RNLS: variants seen among roughly 807,000 people sequenced by gnomAD.
RNLS encodes the protein renalase.
In RNLS, 39 loss-of-function variants were observed where a neutral mutation model predicts 39.8. The observed-to-expected ratio is 0.98, with a 90% CI of 0.76 to 1.28. The LOEUF (loss-of-function observed/expected upper bound fraction) is 1.28. Among genes scored for constraint, RNLS ranks in the 50% most tolerant of loss-of-function variants. The pLI, the probability that RNLS is intolerant of heterozygous loss-of-function variation, is 0.00. For missense variants in RNLS, 410 were observed against 413.3 expected, an observed-to-expected ratio of 0.99 and a Z score of 0.07; for synonymous variants, 147 against 150.7, an observed-to-expected ratio of 0.98 and a Z score of 0.18.
At chr10:88,199,485 C>T in the RNLS span, among the ~76,000 whole-genome samples, 1 of 152,168 alleles carries the variant, frequency 6.6e-6, no homozygotes, top group Non-Finnish European at 1.5e-5. Context: ...CCCGATATTG[C>T]CAAATGTCTC....
At position 88,284,668 on chromosome 10, in the gene RNLS, T is replaced by C. The variant is rs1395240878; in HGVS notation, c.*686A>G. 1.0e-6 allele frequency: 1 copy of C among 985,190 alleles called. No individual in the cohort carries two copies. The highest frequency in any genetic ancestry group is 1.1e-4 in the East Asian group (1 of 8,812). The allele number at this position is 985,190 out of a possible 1,614,324, so 61.0% of individuals were successfully genotyped here. On this transcript the variant is annotated 3_prime_UTR_variant, in exon 7 of 7. Transcript: ENST00000331772. ...ACTTTCTCTCTGTTTCTATTTAATT[T>C]TTATCTTTCATATTAGGACTGGAAT...
chr10:88,529,255 C>A (rs896824933), intron 4 of RNLS, among the ~76,000 whole-genome samples: 5 of 152,132 alleles, frequency 3.3e-5, no homozygotes, highest in Non-Finnish European at 7.4e-5. Context: ...CTAGAGGAAA[C>A]CTCAAGTTTG....
intron 4 of RNLS, among the ~76,000 whole-genome samples, chr10:88,557,633 C>T (rs1848945948): frequency 6.6e-6 from 1 of 152,100 alleles, no homozygotes; most frequent in Admixed American, 6.6e-5. Flanking sequence ...TCCTTCCCTT[C>T]CTCTCTTTTC....
chr10:88,347,225 C>A (rs923923786), intron 5 of RNLS, among the ~76,000 whole-genome samples: 2 of 152,170 alleles, frequency 1.3e-5, no homozygotes, highest in Admixed American at 6.5e-5. Flanking sequence ...GGAAGCAGAG[C>A]AGCTCACATT....
chr10:88,462,843 A>T (rs536267982), intron 4 of RNLS, among the ~76,000 whole-genome samples: 1 of 152,138 alleles, frequency 6.6e-6, no homozygotes, highest in South Asian at 2.1e-4. Flanking sequence ...AAAATAGACA[A>T]GAGGAAAGCC....
intron 4 of RNLS, among the ~76,000 whole-genome samples, chr10:88,485,039 T>A (rs1231091299): frequency 6.6e-6 from 1 of 151,884 alleles, no homozygotes; most frequent in Non-Finnish European, 1.5e-5. Context: ...AAGACGTTAA[T>A]TGTATCCAAA....
intron 5 of RNLS, among the ~76,000 whole-genome samples, chr10:88,336,747 A>G (rs1160934157): frequency 2.0e-5 from 3 of 152,198 alleles, no homozygotes; most frequent in African/African-American, 7.2e-5. Context: ...CTATTTTAGC[A>G]ATACTTTCGG....
chr10:88,268,119 G>A, the RNLS span, among the ~76,000 whole-genome samples: 222 of 152,194 alleles, frequency 1.5e-3, no homozygotes, highest in Middle Eastern at 0.01. Flanking sequence ...TCACTAATTG[G>A]ATCTCTTTTC....
intron 3 of RNLS, among the ~76,000 whole-genome samples, chr10:88,580,719 G>C (rs1850487082): frequency 1.3e-5 from 2 of 152,140 alleles, no homozygotes; most frequent in Admixed American, 1.3e-4. Flanking sequence ...ACTGCAAAGA[G>C]CTGGCTAATA....
intron 6 of RNLS, among the ~76,000 whole-genome samples, chr10:88,289,952 C>T (rs1210085191): frequency 3.9e-5 from 6 of 151,990 alleles, no homozygotes; most frequent in Admixed American, 2.6e-4. Flanking sequence ...TTGCTGATTC[C>T]GTCGGTCAAA....
intron 4 of RNLS, among the ~76,000 whole-genome samples, chr10:88,429,206 CA>C (rs1370775410): frequency 1.3e-5 from 2 of 151,772 alleles, no homozygotes; most frequent in African/African-American, 2.4e-5. Context: ...GAATCTTGGA[CA>C]AGTAATTAAA....
chr10:88,384,245 A>G (rs1851727094), intron 4 of RNLS, among the ~76,000 whole-genome samples: 1 of 152,174 alleles, frequency 6.6e-6, no homozygotes, highest in Non-Finnish European at 1.5e-5. Flanking sequence ...TAATTCTCAA[A>G]ATAATTGTAT....
At chr10:88,219,821 G>T in the RNLS span, among the ~76,000 whole-genome samples, 1 of 152,210 alleles carries the variant, frequency 6.6e-6, no homozygotes, top group Non-Finnish European at 1.5e-5. Flanking sequence ...ATTACTTCCA[G>T]CTTGTGCTAT....
At chr10:88,173,512 CTG>C in the RNLS span, among the ~76,000 whole-genome samples, 2 of 151,988 alleles carry the variant, frequency 1.3e-5, no homozygotes, top group Non-Finnish European at 2.9e-5. Flanking sequence ...TTTTCTGTTT[CTG>C]TGAAGAATGC....
the RNLS span, among the ~76,000 whole-genome samples, chr10:88,265,323 C>CTTTTTTTTTTTTTTTTTTTT: frequency 6.8e-5 from 4 of 59,066 alleles, no homozygotes; most frequent in African/African-American, 6.7e-5. Flanking sequence ...CAGGGTTTTT[C>CTTTTTTTTTTTTTTTTTTTT]TTTTTTTTTT....
intron 5 of RNLS, 144 bp downstream of exon 5, chr10:88,362,408 A>G: frequency 1.5e-6 from 1 of 682,406 alleles, no homozygotes; most frequent in Non-Finnish European, 2.3e-6. Flanking sequence ...ATTACTGGCC[A>G]AATGTGACAT....
chr10:88,272,524 A>C (rs1842677998), downstream of RNLS, among the ~76,000 whole-genome samples: 1 of 152,158 alleles, frequency 6.6e-6, no homozygotes, highest in Admixed American at 6.5e-5. Flanking sequence ...TGGGCCCAAG[A>C]ATCTACGTTT....
intron 4 of RNLS, among the ~76,000 whole-genome samples, chr10:88,435,422 C>T (rs1170563962): frequency 1.3e-5 from 2 of 148,538 alleles, no homozygotes; most frequent in African/African-American, 4.9e-5. Flanking sequence ...ATCAAATTAC[C>T]AAATATTTGG....
intron 6 of RNLS, among the ~76,000 whole-genome samples, chr10:88,276,374 C>T (rs879664317): frequency 6.6e-6 from 1 of 152,022 alleles, no homozygotes; most frequent in Non-Finnish European, 1.5e-5. Flanking sequence ...AAACATTTAT[C>T]TATATTCTCC....
Sources: allele counts gnomAD v4.1 joint callset (sites outside exome capture counted in the v4.1 genomes callset), GRCh38; gene constraint gnomAD v4.1.1; transcripts MANE v1.5; gene names NCBI Gene and HGNC (gene_info 2026-07-23, HGNC 2026-07-21).